The following CNTN5 variants were observed in gnomAD, a reference collection of about 807,000 sequenced individuals.
CNTN5 encodes the protein contactin-5.
A neutral mutation model predicts 129.1 loss-of-function variants in CNTN5; 77 were observed. The observed-to-expected ratio is 0.60, with a 90% CI of 0.50 to 0.72. The LOEUF (loss-of-function observed/expected upper bound fraction) is 0.72. Among genes scored for constraint, CNTN5 ranks in the 30% least tolerant of loss-of-function variants. The pLI, the probability that CNTN5 is intolerant of heterozygous loss-of-function variation, is 0.00. For missense variants in CNTN5, 1,478 were observed against 1,328.8 expected (o/e 1.11, Z -1.75); for synonymous variants, 509 against 465.6 (o/e 1.09, Z -1.20).
At chr11:100,278,140 G>T in intron 18 of CNTN5, among the ~76,000 whole-genome samples, 1 of 151,848 alleles carries the variant, frequency 6.6e-6, no homozygotes, top group East Asian at 1.9e-4. Context: ...ATTTATGTTG[G>T]AGGTCCTCTA....
At position 99,607,767 on chromosome 11, in the gene CNTN5, C is replaced by G. The variant is rs188072862; in HGVS notation, c.55+51498C>G. Among the ~76,000 whole-genome samples, 623 of 128,162 alleles carry G rather than the reference C, an allele frequency of 4.9e-3. 34 individuals are homozygous for G. The East Asian group carries it at 0.1, about 21-fold the overall frequency. 84.1% of individuals were successfully genotyped at this position (128,162 alleles called of 152,430 possible). On this transcript the variant is annotated intron_variant, in intron 3 of 24. Transcript: ENST00000524871. ...ATATACACCATGGAATACTATGCAG[C>G]CATAAAAAGATGATGAGTTCATATC...
chr11:100,236,894 C>T (rs1021552539), intron 16 of CNTN5, among the ~76,000 whole-genome samples: 1 of 151,700 alleles, frequency 6.6e-6, no homozygotes, highest in African/African-American at 2.4e-5. Flanking sequence ...AATGTGGTCA[C>T]CAAGAAAGAA....
At chr11:99,784,070 A>G (rs1945419283) in intron 3 of CNTN5, among the ~76,000 whole-genome samples, 1 of 152,186 alleles carries the variant, frequency 6.6e-6, no homozygotes, top group Admixed American at 6.5e-5. Context: ...ATGTATGTAC[A>G]CATAGTATTT....
At chr11:99,540,583 T>A (rs1238989256) in intron 2 of CNTN5, among the ~76,000 whole-genome samples, 3 of 151,986 alleles carry the variant, frequency 2.0e-5, no homozygotes, top group Non-Finnish European at 4.4e-5. Context: ...AAGAAAAAAT[T>A]TTTTTCAAAG....
chr11:99,223,981 T>C (rs1191763975), intron 1 of CNTN5, among the ~76,000 whole-genome samples: 1 of 152,128 alleles, frequency 6.6e-6, no homozygotes, highest in African/African-American at 2.4e-5. Flanking sequence ...ATGTTTCTTC[T>C]CCGCATACAC....
chr11:99,747,213 A>G (rs188424127), intron 3 of CNTN5, among the ~76,000 whole-genome samples: 8 of 152,166 alleles, frequency 5.3e-5, no homozygotes, highest in East Asian at 1.9e-4. Flanking sequence ...TTCATTTTCT[A>G]TAACTTGTTG....
intron 7 of CNTN5, among the ~76,000 whole-genome samples, chr11:99,937,883 A>C (rs1046587826): frequency 2.6e-5 from 4 of 152,160 alleles, no homozygotes; most frequent in African/African-American, 9.7e-5. Flanking sequence ...GCATCAGTAA[A>C]CTGTAGAAGT....
intron 16 of CNTN5, among the ~76,000 whole-genome samples, chr11:100,251,622 T>G (rs1196572532): frequency 2.0e-5 from 3 of 152,138 alleles, no homozygotes; most frequent in Non-Finnish European, 4.4e-5. Context: ...TTTCTACTTC[T>G]ATGAGATCCT....
At chr11:99,996,125 T>C (rs1347246256) in intron 8 of CNTN5, among the ~76,000 whole-genome samples, 3 of 152,204 alleles carry the variant, frequency 2.0e-5, no homozygotes, top group African/African-American at 7.2e-5. Flanking sequence ...ATAGTGTTAT[T>C]ATTGACACTG....
At chr11:100,149,230 G>GAAAGT (rs144422520) in intron 13 of CNTN5, among the ~76,000 whole-genome samples, 16,674 of 152,114 alleles carry the variant, frequency 0.11, 1,082 homozygotes, top group African/African-American at 0.2. Context: ...GTTTTCATAT[G>GAAAGT]AAAGTACAAA....
rs1363419701 is a variant in CNTN5 at position 100,191,183 on chromosome 11, G to T, written c.1638G>T (p.Glu546Asp). Reference protein sequence around the residue: ...LRILNASKSDEGKYVCRGENV... With the variant: ...LRILNASKSDDGKYVCRGENV... ...TCCTAAATGCTTCCAAATCAGACGA[G>T]GGAAAGTACGTTTGCCGAGGGGAAA... Residue 546 changes from glutamate (E) to aspartate (D), a missense_variant, in exon 14 of 25, where the codon GAG (glutamate) becomes GAT (aspartate). Coordinates refer to ENST00000524871, the MANE Select transcript of CNTN5 (RefSeq NM_014361.4). 1 of 1,611,882 alleles carries T rather than the reference G, an allele frequency of 6.2e-7. No individual in the cohort carries two copies. The highest frequency in any genetic ancestry group is 1.1e-5 in the South Asian group (1 of 90,966).
At chr11:99,108,511 C>T (rs1210107334) in intron 1 of CNTN5, among the ~76,000 whole-genome samples, 2 of 151,728 alleles carry the variant, frequency 1.3e-5, no homozygotes, top group African/African-American at 2.4e-5. Context: ...GTAGTAAATC[C>T]CATTTTTATA....
In CNTN5 at chr11:99,114,098, T is replaced by C. The variant is rs530853793; in HGVS notation, c.-210+92828T>C. The stretch of plus-strand genomic sequence containing the variant: ...TATTGTTTATCTGTACAAGGGATGA[T>C]ACTAATTGACCTTTTGCACTATTAC... On this transcript the variant is annotated intron_variant, in intron 1 of 24. Transcript: ENST00000524871. 5.9e-5 allele frequency among the ~76,000 whole-genome samples: 9 copies of C among 152,322 alleles called. No homozygotes were observed. The South Asian group carries it at 6.2e-4, about 11-fold the overall frequency.
At chr11:99,086,212 A>G (rs931853002) in intron 1 of CNTN5, among the ~76,000 whole-genome samples, 10 of 152,214 alleles carry the variant, frequency 6.6e-5, no homozygotes, top group Non-Finnish European at 1.3e-4. Flanking sequence ...CAGCTCCCAA[A>G]TGCAAAGTGG....
rs1363713926 is a variant in CNTN5 at position 99,463,288 on chromosome 11, A to T, written c.-70-92857A>T. Among the ~76,000 whole-genome samples the T allele has an allele frequency of 1.7e-4, 25 of 150,616 alleles. 1 individual carries two copies. The highest frequency in any genetic ancestry group is 1.7e-3 in the Admixed American group (25 of 15,136). ...CCCATCTCTACTAAAAATACAAAAA[A>T]TTAGCTGGGCGTGGTGGCGGGCGCC... On this transcript the variant is annotated intron_variant, in intron 2 of 24. Transcript: ENST00000524871.
intron 2 of CNTN5, among the ~76,000 whole-genome samples, chr11:99,454,300 C>G (rs1944414900): frequency 6.6e-6 from 1 of 152,084 alleles, no homozygotes; most frequent in South Asian, 2.1e-4. Context: ...TGTTCCCACC[C>G]AAATCTTATC....
At chr11:99,791,331 G>C (rs1215746015) in intron 3 of CNTN5, among the ~76,000 whole-genome samples, 3 of 152,064 alleles carry the variant, frequency 2.0e-5, no homozygotes. Flanking sequence ...TATTTTATAA[G>C]AAAGGGGTCC....
At chr11:99,225,961 CA>C (rs1392673614) in intron 1 of CNTN5, among the ~76,000 whole-genome samples, 1 of 152,044 alleles carries the variant, frequency 6.6e-6, no homozygotes, top group African/African-American at 2.4e-5. Flanking sequence ...GAGGAAGTAT[CA>C]AAAAAGACCA....
At chr11:99,978,513 A>G (rs1178183778) in intron 8 of CNTN5, among the ~76,000 whole-genome samples, 7 of 152,160 alleles carry the variant, frequency 4.6e-5, no homozygotes, top group Admixed American at 4.6e-4. Context: ...CAGGTGTACC[A>G]TTGTTATTTA....
Sources: gnomAD v4.1 joint callset for allele counts (sites outside exome capture counted in the v4.1 genomes callset) on GRCh38, gnomAD v4.1.1 for gene constraint, MANE v1.5 for transcripts, NCBI Gene and HGNC (gene_info 2026-07-23, HGNC 2026-07-21) for gene names.